Variants in TNKS observed in about 807,000 individuals in gnomAD.
TNKS encodes tankyrase, also known as poly [ADP-ribose] polymerase tankyrase-1.
In TNKS, 72 loss-of-function variants were observed where a neutral mutation model predicts 135.8. The observed-to-expected ratio is 0.53, with a 90% CI of 0.44 to 0.64. The LOEUF is 0.64. Ranked by LOEUF, TNKS falls within the 30% of genes least tolerant of loss-of-function variation. The pLI is 0.00. For missense variants in TNKS, 1,769 were observed against 1,674.0 expected, an observed-to-expected ratio of 1.06 and a Z score of -0.99; for synonymous variants, 849 against 649.3, an observed-to-expected ratio of 1.31 and a Z score of -4.68.
rs191814772 is a variant in TNKS, at chr8:9,741,976, C to G, written c.2644-6048C>G. ...TCACTATCTCTTTTTATGGTATCCTCTTTTTATGTTTGTTAAATCCCTACT... is the reference window on the plus strand; with the variant it reads ...TCACTATCTCTTTTTATGGTATCCTGTTTTTATGTTTGTTAAATCCCTACT... On this transcript the variant is annotated intron_variant, in intron 17 of 26. Coordinates refer to ENST00000310430, the MANE Select transcript of TNKS (RefSeq NM_003747.3). Among the ~76,000 whole-genome samples, 212 of 152,252 alleles carry G rather than the reference C, an allele frequency of 1.4e-3. 1 individual carries two copies. Among genetic ancestry groups the G allele is most frequent in the South Asian group, 3.7e-3 (18 of 4,828 alleles).
At chr8:9,566,931 G>T (rs1017265313) in intron 1 of TNKS, among the ~76,000 whole-genome samples, 1 of 152,076 alleles carries the variant, frequency 6.6e-6, no homozygotes, top group Non-Finnish European at 1.5e-5. Context: ...TGTCATCAGA[G>T]TCCAAGGTCA....
chr8:9,573,955 G>A (rs1312764749), intron 1 of TNKS, among the ~76,000 whole-genome samples: 1 of 152,146 alleles, frequency 6.6e-6, no homozygotes, highest in African/African-American at 2.4e-5. Flanking sequence ...TTTTAGGCGG[G>A]ATTACAATGC....
At chr8:9,665,320 A>C (rs1463919527) in intron 3 of TNKS, among the ~76,000 whole-genome samples, 1 of 152,246 alleles carries the variant, frequency 6.6e-6, no homozygotes, top group African/African-American at 2.4e-5. Context: ...GAAGGGCTCT[A>C]ATAGCAGGAC....
chr8:9,624,080 A>G (rs1049140284), intron 3 of TNKS, among the ~76,000 whole-genome samples: 1 of 152,186 alleles, frequency 6.6e-6, no homozygotes, highest in Admixed American at 6.5e-5. Context: ...TCACCACTCT[A>G]GTACTTCAAG....
At chr8:9,665,817 G>A (rs1027759502) in intron 3 of TNKS, among the ~76,000 whole-genome samples, 9 of 152,126 alleles carry the variant, frequency 5.9e-5, no homozygotes, top group Non-Finnish European at 1.0e-4. Flanking sequence ...AAGCCCTAGA[G>A]TAACTACTAA....
chr8:9,748,990 A>T (rs1264550623), intron 18 of TNKS, among the ~76,000 whole-genome samples: 1 of 152,154 alleles, frequency 6.6e-6, no homozygotes, highest in Non-Finnish European at 1.5e-5. Flanking sequence ...TCTCATCATT[A>T]AGTGGTCTTG....
At position 9,762,514 on chromosome 8, in the gene TNKS, T is replaced by G. The variant is rs560878798; in HGVS notation, c.3275-633T>G. 3.0e-3 allele frequency among the ~76,000 whole-genome samples: 457 copies of G among 152,328 alleles called. 3 individuals carry two copies. The highest frequency in any genetic ancestry group is 8.3e-3 in the African/African-American group (344 of 41,574). ...TGTCAGTGCCTGTTTTTCTTTTTTT[T>G]TGTGTCAGACATAGCTTCATGTATG... On this transcript the variant is annotated intron_variant, in intron 21 of 26. Coordinates refer to ENST00000310430, the MANE Select transcript of TNKS (RefSeq NM_003747.3).
chr8:9,750,972 A>G (rs1806494180), intron 18 of TNKS, among the ~76,000 whole-genome samples: 1 of 152,212 alleles, frequency 6.6e-6, no homozygotes, highest in South Asian at 2.1e-4. Context: ...GACACTGCCA[A>G]TCCACTTAAA....
chr8:9,749,172 T>G (rs1195655856), intron 18 of TNKS, among the ~76,000 whole-genome samples: 1 of 152,232 alleles, frequency 6.6e-6, no homozygotes, highest in Non-Finnish European at 1.5e-5. Context: ...AGATTCCACC[T>G]TCTTTGAAAG....
At chr8:9,658,095 G>A (rs1165729005) in intron 3 of TNKS, among the ~76,000 whole-genome samples, 3 of 96,164 alleles carry the variant, frequency 3.1e-5, no homozygotes, top group Non-Finnish European at 6.5e-5. Flanking sequence ...CGGCTGGGAA[G>A]AGGCGCTCCT....
intron 20 of TNKS, among the ~76,000 whole-genome samples, 175 bp downstream of exon 20, chr8:9,752,801 A>T (rs983872590): frequency 1.3e-5 from 2 of 151,950 alleles, no homozygotes; most frequent in Admixed American, 6.6e-5. Context: ...ACAAAAAAAA[A>T]AGTTTTTAAG....
At chr8:9,752,296 A>C (rs75997132) in intron 19 of TNKS, among the ~76,000 whole-genome samples, 3,421 of 152,216 alleles carry the variant, frequency 0.022, 117 homozygotes, top group African/African-American at 0.078. Flanking sequence ...ATAAGTTATA[A>C]TTCTATATTC....
chr8:9,692,496 A>T (rs1288131612), intron 5 of TNKS, among the ~76,000 whole-genome samples: 1 of 152,226 alleles, frequency 6.6e-6, no homozygotes, highest in Non-Finnish European at 1.5e-5. Flanking sequence ...GAGTAGTATC[A>T]TGCCATGATC....
chr8:9,596,949 C>T (rs920980519), intron 2 of TNKS, among the ~76,000 whole-genome samples: 2 of 152,134 alleles, frequency 1.3e-5, no homozygotes, highest in African/African-American at 4.8e-5. Context: ...CTGTGATGGG[C>T]TTATTAGGAA....
chr8:9,693,662 A>T (rs1228034585), intron 5 of TNKS, among the ~76,000 whole-genome samples: 3 of 152,176 alleles, frequency 2.0e-5, no homozygotes, highest in African/African-American at 7.2e-5. Context: ...TGGACACAGA[A>T]AGATGCAGGA....
At chr8:9,742,671 G>A (rs7001044) in intron 17 of TNKS, among the ~76,000 whole-genome samples, 122,089 of 149,860 alleles carry the variant, frequency 0.81, 49,914 homozygotes, top group Admixed American at 0.87. Context: ...CAGCCTGGGC[G>A]ACATAGTGAG....
At chr8:9,563,623 C>G (rs1279466381) in intron 1 of TNKS, among the ~76,000 whole-genome samples, 1 of 152,000 alleles carries the variant, frequency 6.6e-6, no homozygotes, top group Non-Finnish European at 1.5e-5. Flanking sequence ...GTAGTCCTTT[C>G]TTGAAATTAT....
intron 3 of TNKS, among the ~76,000 whole-genome samples, chr8:9,671,562 G>A (rs777206269): frequency 1.3e-5 from 2 of 152,066 alleles, no homozygotes; most frequent in Non-Finnish European, 2.9e-5. Flanking sequence ...ATAAAACTGG[G>A]GACAGAAATC....
chr8:9,656,577 G>T (rs570038613), intron 3 of TNKS, among the ~76,000 whole-genome samples: 1 of 151,250 alleles, frequency 6.6e-6, no homozygotes, highest in African/African-American at 2.4e-5. Flanking sequence ...GAGAGTGGGG[G>T]CCAATATTCA....
Sources: allele counts gnomAD v4.1 joint callset (sites outside exome capture counted in the v4.1 genomes callset), GRCh38; gene constraint gnomAD v4.1.1; transcripts MANE v1.5; gene names NCBI Gene and HGNC (gene_info 2026-07-23, HGNC 2026-07-21).